CDK15: variants seen among roughly 807,000 people sequenced by gnomAD.
CDK15 encodes cyclin-dependent kinase 15.
Under a neutral mutation model 60.3 loss-of-function variants are expected in CDK15, and 62 were observed. The observed-to-expected ratio is 1.03, with a 90% confidence interval of 0.84 to 1.27. The LOEUF (loss-of-function observed/expected upper bound fraction) is 1.27, where lower values mean the gene tolerates loss of function less well. Ranked by LOEUF, CDK15 falls within the 50% of genes most tolerant of loss-of-function variation. The pLI, the probability that CDK15 is intolerant of heterozygous loss-of-function variation, is 0.00. For synonymous variants in CDK15, 194 were observed against 195.7 expected, an observed-to-expected ratio of 0.99 and a Z score of 0.07; for missense variants, 541 against 527.8, an observed-to-expected ratio of 1.03 and a Z score of -0.25.
chr2:201,863,059 A>C (rs1467827411), intron 10 of CDK15, among the ~76,000 whole-genome samples: 1 of 152,180 alleles, frequency 6.6e-6, no homozygotes, highest in Non-Finnish European at 1.5e-5. Context: ...GATTGGGCTC[A>C]TTACTGTCTC....
intron 10 of CDK15, among the ~76,000 whole-genome samples, chr2:201,866,903 G>A (rs1379983143): frequency 6.6e-6 from 1 of 152,142 alleles, no homozygotes; most frequent in African/African-American, 2.4e-5. Context: ...GACTGACCCG[G>A]ACACATCCAT....
intron 12 of CDK15, among the ~76,000 whole-genome samples, chr2:201,886,038 A>G (rs1699438979): frequency 6.6e-6 from 1 of 152,202 alleles, no homozygotes; most frequent in African/African-American, 2.4e-5. Flanking sequence ...GCTAAAGATC[A>G]CATAGGAACT....
At chr2:201,862,034 C>T (rs1325054124) in intron 10 of CDK15, among the ~76,000 whole-genome samples, 1 of 152,158 alleles carries the variant, frequency 6.6e-6, no homozygotes, top group African/African-American at 2.4e-5. Flanking sequence ...ACTTGCATGG[C>T]CTAAACCTTG....
chr2:201,858,925 C>G (rs181123932), intron 10 of CDK15, among the ~76,000 whole-genome samples: 238 of 152,262 alleles, frequency 1.6e-3, no homozygotes, highest in Non-Finnish European at 2.8e-3. Flanking sequence ...ACTCAGCCGC[C>G]AGAACACTCA....
intron 6 of CDK15, among the ~76,000 whole-genome samples, chr2:201,826,458 C>CAAAAAA (rs373198183): frequency 0.028 from 2,210 of 78,144 alleles, 217 homozygotes; most frequent in African/African-American, 0.042. Context: ...GACTGCGTCT[C>CAAAAAA]AAAAAAAAAA....
At chr2:201,887,749 AATGT>A (rs1183848856) in intron 12 of CDK15, among the ~76,000 whole-genome samples, 4 of 152,192 alleles carry the variant, frequency 2.6e-5, no homozygotes, top group Non-Finnish European at 5.9e-5. Context: ...TTTAATCGGA[AATGT>A]ATGTGTATTG....
Position 201,806,616 on chromosome 2 carries a change from A to C in CDK15, c.-49A>C. 6.6e-7 allele frequency: 1 copy of C among 1,523,148 alleles called. No homozygotes were observed. The highest frequency in any genetic ancestry group is 1.2e-5 in the South Asian group (1 of 82,512). The allele number at this position is 1,523,148 out of a possible 1,614,324, so 94.4% of individuals were successfully genotyped here. ...GGGAGAGAACAAGGATAGGAGAGGC[A>C]GTGGGGGAAAGGTTCAAGTGCGGGT... On this transcript the variant is annotated 5_prime_UTR_variant, in exon 1 of 14. Coordinates refer to ENST00000652192, the MANE Select transcript of CDK15 (RefSeq NM_001366386.2).
At chr2:201,812,664 G>T in intron 4 of CDK15, 102 bp downstream of exon 4, 1 of 571,648 alleles carries the variant, frequency 1.7e-6, no homozygotes, top group Non-Finnish European at 3.0e-6. Context: ...TGATTCTTCT[G>T]GAATACTATA....
At chr2:201,851,675 T>C (rs1350550712) in intron 9 of CDK15, among the ~76,000 whole-genome samples, 1 of 152,176 alleles carries the variant, frequency 6.6e-6, no homozygotes, top group African/African-American at 2.4e-5. Flanking sequence ...CACTTTTTTT[T>C]TGGAGACCGA....
intron 9 of CDK15, 36 bp from the exon 10 acceptor site, chr2:201,854,838 C>T (rs370311295): frequency 6.3e-6 from 10 of 1,597,826 alleles, no homozygotes; most frequent in African/African-American, 4.0e-5. Flanking sequence ...CATCTCCCCA[C>T]CTCACCTTTC....
intron 12 of CDK15, among the ~76,000 whole-genome samples, chr2:201,884,015 C>A (rs931119564): frequency 3.9e-5 from 6 of 152,222 alleles, no homozygotes; most frequent in East Asian, 1.9e-4. Context: ...TTTCAGGAAA[C>A]CTTCCAAATG....
At chr2:201,866,147 CATT>C (rs1201479528) in intron 10 of CDK15, among the ~76,000 whole-genome samples, 2 of 151,880 alleles carry the variant, frequency 1.3e-5, no homozygotes, top group Non-Finnish European at 2.9e-5. Context: ...AGGCTAACAA[CATT>C]ATCAACTATT....
intron 4 of CDK15, among the ~76,000 whole-genome samples, chr2:201,816,629 T>A (rs1413165238): frequency 6.6e-6 from 1 of 152,104 alleles, no homozygotes; most frequent in Admixed American, 6.5e-5. Context: ...ACAGAACGAT[T>A]TATTTTCCTT....
intron 9 of CDK15, among the ~76,000 whole-genome samples, chr2:201,848,966 T>G (rs1697788270): frequency 6.6e-6 from 1 of 152,180 alleles, no homozygotes; most frequent in Non-Finnish European, 1.5e-5. Context: ...TCTAAAAACT[T>G]TCTTGCAAGA....
chr2:201,852,768 T>C (rs965504418), intron 9 of CDK15, among the ~76,000 whole-genome samples: 1 of 152,204 alleles, frequency 6.6e-6, no homozygotes, highest in Non-Finnish European at 1.5e-5. Flanking sequence ...TGAAAAAGAA[T>C]TCAATAACTT....
intron 5 of CDK15, 111 bp downstream of exon 5, chr2:201,823,014 A>G: frequency 1.4e-6 from 1 of 710,560 alleles, no homozygotes; most frequent in Non-Finnish European, 2.5e-6. Flanking sequence ...TGTGAAAAGT[A>G]TCATGGAAAT....
chr2:201,860,657 A>G, intron 10 of CDK15: 2 of 1,323,988 alleles, frequency 1.5e-6, no homozygotes, highest in East Asian at 4.6e-5. Context: ...TGCAGGGACC[A>G]GAATCAGATG....
chr2:201,808,353 G>A (rs111358787), intron 3 of CDK15, among the ~76,000 whole-genome samples: 1 of 152,154 alleles, frequency 6.6e-6, no homozygotes, highest in African/African-American at 2.4e-5. Flanking sequence ...TGGCAACCTG[G>A]AATTTGCTGC....
At chr2:201,834,028 C>T in intron 7 of CDK15, 57 bp downstream of exon 7, 1 of 1,583,568 alleles carries the variant, frequency 6.3e-7, no homozygotes, top group Non-Finnish European at 8.6e-7. Context: ...TTTGTGTGCA[C>T]TTGTTTAAGC....
Sources: gnomAD v4.1 joint callset for allele counts (sites outside exome capture counted in the v4.1 genomes callset) on GRCh38, gnomAD v4.1.1 for gene constraint, MANE v1.5 for transcripts, NCBI Gene and HGNC (gene_info 2026-07-23, HGNC 2026-07-21) for gene names.